The following MRPL3 variants were observed in gnomAD, a reference collection of about 807,000 sequenced individuals.
MRPL3 encodes the protein mitochondrial ribosomal protein L3.
Under a neutral mutation model 44.3 loss-of-function variants are expected in MRPL3, and 43 were observed. The ratio of observed to expected loss-of-function variants is 0.97; its 90% CI spans 0.76 to 1.25. MRPL3 has a LOEUF of 1.25. Ranked by LOEUF, MRPL3 falls within the 50% of genes most tolerant of loss-of-function variation. MRPL3 has a pLI of 0.00. For synonymous variants in MRPL3, 171 were observed against 152.3 expected, an observed-to-expected ratio of 1.12 and a Z score of -0.91; for missense variants, 406 against 427.6, an observed-to-expected ratio of 0.95 and a Z score of 0.45.
chr3:131,497,084 G>A (rs34056254), intron 4 of MRPL3, among the ~76,000 whole-genome samples: 1 of 152,324 alleles, frequency 6.6e-6, no homozygotes, highest in East Asian at 1.9e-4. Flanking sequence ...GGCAGAATTG[G>A]CTGTCTCCGG....
In MRPL3 at chr3:131,462,785, G is replaced by A. The variant is rs145183319; in HGVS notation, c.985C>T (p.Pro329Ser). The change falls in exon 10 of 10, where the codon CCA becomes TCA. Residue 329 changes from proline to serine, a missense_variant. By Grantham distance (74) the Pro-to-Ser change is moderately conservative (BLOSUM62 -1). Transcript: ENST00000264995. The stretch of plus-strand genomic sequence containing the variant: ...ACGTTTTCATCATACAAATCTTCTG[G>A]CAGTTCCTCTTCATCTCCATCAGGA... The part of the protein sequence containing the change: ...YFPDGDEEEL[P>S]EDLYDENVCQ... 1.7e-4 allele frequency: 273 copies of A among 1,612,932 alleles called. 1 individual carries two copies. Among genetic ancestry groups the A allele is most frequent in the Middle Eastern group, 1.6e-4 (1 of 6,082 alleles).
At chr3:131,477,796 T>A (rs1933888793) in intron 6 of MRPL3, among the ~76,000 whole-genome samples, 2 of 152,210 alleles carry the variant, frequency 1.3e-5, no homozygotes, top group South Asian at 4.1e-4. Context: ...TTTCTTAACA[T>A]CGGTGTTTAG....
At chr3:131,498,701 C>CAAAAA (rs71133698) in intron 3 of MRPL3, among the ~76,000 whole-genome samples, 4 of 81,488 alleles carry the variant, frequency 4.9e-5, no homozygotes, top group African/African-American at 1.0e-4. Flanking sequence ...GACTCCGTCT[C>CAAAAA]AAAAAAAAAA....
chr3:131,482,944 G>C (rs150369971), intron 6 of MRPL3, among the ~76,000 whole-genome samples: 2 of 150,836 alleles, frequency 1.3e-5, no homozygotes, highest in African/African-American at 4.9e-5. Context: ...ACAGCAGAAA[G>C]CATCTTTAGT....
chr3:131,463,833 G>A (rs759417432), intron 9 of MRPL3, among the ~76,000 whole-genome samples: 5 of 151,910 alleles, frequency 3.3e-5, no homozygotes, highest in Admixed American at 6.6e-5. Context: ...TCATTCTACA[G>A]CCTTCATTCA....
chr3:131,493,930 T>C (rs1442549928), intron 4 of MRPL3, among the ~76,000 whole-genome samples: 1 of 152,242 alleles, frequency 6.6e-6, no homozygotes, highest in Non-Finnish European at 1.5e-5. Context: ...GAGTCAGACT[T>C]GTTTGTAGAA....
intron 3 of MRPL3, among the ~76,000 whole-genome samples, chr3:131,498,831 C>G (rs1262839707): frequency 1.3e-5 from 2 of 152,070 alleles, no homozygotes; most frequent in Non-Finnish European, 2.9e-5. Flanking sequence ...CCGTGTGTGT[C>G]TCTTCCCAAT....
At chr3:131,477,504 T>G (rs550637588) in intron 6 of MRPL3, among the ~76,000 whole-genome samples, 184 of 152,326 alleles carry the variant, frequency 1.2e-3, no homozygotes, top group Non-Finnish European at 2.2e-3. Context: ...ACTAAAACAG[T>G]TTTTTATTAT....
intron 4 of MRPL3, among the ~76,000 whole-genome samples, chr3:131,490,788 C>T (rs1403259945): frequency 3.3e-5 from 5 of 152,226 alleles, no homozygotes; most frequent in Non-Finnish European, 2.9e-5. Flanking sequence ...AAAATGCCAA[C>T]GGCAAGGGCC....
chr3:131,501,027 A>T, intron 2 of MRPL3, among the ~76,000 whole-genome samples: 1 of 152,232 alleles, frequency 6.6e-6, no homozygotes, highest in African/African-American at 2.4e-5. Flanking sequence ...TAACTATCCA[A>T]TTCGACTGTC....
intron 1 of MRPL3, 32 bp downstream of exon 1, chr3:131,502,698 T>C (rs1934524730): frequency 6.4e-7 from 1 of 1,566,694 alleles, no homozygotes. Flanking sequence ...AGGACGCAAC[T>C]GTGCAGGTAG....
chr3:131,471,113 C>T (rs938589142), intron 7 of MRPL3, 58 bp downstream of exon 7: 2 of 1,190,748 alleles, frequency 1.7e-6, no homozygotes, highest in Admixed American at 1.7e-5. Context: ...GGACTGAGGA[C>T]TACATGTGCA....
At chr3:131,498,334 A>C in intron 3 of MRPL3, 57 bp from the exon 4 acceptor site, 1 of 1,154,996 alleles carries the variant, frequency 8.7e-7, no homozygotes. Context: ...TTAACATTAC[A>C]AACCAGCCCC....
intron 1 of MRPL3, chr3:131,501,974 A>T: frequency 2.1e-6 from 3 of 1,440,080 alleles, no homozygotes; most frequent in Non-Finnish European, 2.8e-6. Context: ...ATTCCCCAAA[A>T]AACAGTCCTA....
At chr3:131,496,839 A>C (rs1559832558) in intron 4 of MRPL3, among the ~76,000 whole-genome samples, 1 of 152,216 alleles carries the variant, frequency 6.6e-6, no homozygotes, top group Non-Finnish European at 1.5e-5. Flanking sequence ...AAGCACCTCA[A>C]AGTCCGTAAG....
chr3:131,473,447 A>G (rs1397060317), intron 6 of MRPL3, among the ~76,000 whole-genome samples: 1 of 152,148 alleles, frequency 6.6e-6, no homozygotes, highest in African/African-American at 2.4e-5. Context: ...GTATGAAACT[A>G]CTAGAAGAAA....
intron 6 of MRPL3, among the ~76,000 whole-genome samples, chr3:131,482,714 A>T (rs1934018868): frequency 6.6e-6 from 1 of 151,172 alleles, no homozygotes; most frequent in Non-Finnish European, 1.5e-5. Context: ...AGAAAGAAAA[A>T]AACATTTTAA....
At chr3:131,495,046 TATA>T (rs771376870) in intron 4 of MRPL3, among the ~76,000 whole-genome samples, 11 of 152,302 alleles carry the variant, frequency 7.2e-5, no homozygotes, top group East Asian at 1.9e-4. Context: ...AGTTTTTATT[TATA>T]ATAAGGTACA....
chr3:131,501,660 C>T lies in MRPL3; in HGVS notation c.148G>A (p.Asp50Asn), dbSNP rs567467094. The part of the protein sequence containing the change: ...GLHGKSGTWW[D>N]EHLSEENVPF... ...ACATTTTCTTCAGAAAGATGCTCATCCCACCATGTACCACTCTTTCCATGA... is the reference window on the plus strand; with the variant it reads ...ACATTTTCTTCAGAAAGATGCTCATTCCACCATGTACCACTCTTTCCATGA... Residue 50 changes from aspartate to asparagine, a missense_variant, in exon 2 of 10, where the codon GAT becomes AAT. Coordinates refer to ENST00000264995, the MANE Select transcript of MRPL3 (RefSeq NM_007208.4). 2 of 1,613,822 alleles carry T rather than the reference C, an allele frequency of 1.2e-6. No individual in the cohort carries two copies. The highest frequency in any genetic ancestry group is 2.2e-5 in the East Asian group (1 of 44,870).
Sources: allele counts gnomAD v4.1 joint callset (sites outside exome capture counted in the v4.1 genomes callset), GRCh38; gene constraint gnomAD v4.1.1; transcripts MANE v1.5; gene names NCBI Gene and HGNC (gene_info 2026-07-23, HGNC 2026-07-21).